The following MAP2 variants were observed in gnomAD, a reference collection of about 807,000 sequenced individuals.
The protein encoded by MAP2 is microtubule associated protein 2, also known as microtubule-associated protein 2.
In MAP2, 14 loss-of-function variants were observed where a neutral mutation model predicts 137.6. The observed-to-expected ratio is 0.10, with a 90% CI of 0.07 to 0.16. MAP2 has a LOEUF of 0.16. MAP2 is among the 10% of genes least tolerant of loss of function. The pLI is 1.00. For synonymous variants in MAP2, 786 were observed against 782.3 expected (o/e 1.00, Z -0.08); for missense variants, 2,088 against 2,191.5 (o/e 0.95, Z 0.94).
rs776266690 is a variant in MAP2, at chr2:209,631,005, C to CAAAAA, written c.-30+5902_-30+5906dup. Among the ~76,000 whole-genome samples, 66 of 42,136 alleles carry CAAAAA rather than the reference C, an allele frequency of 1.6e-3. 23 individuals are homozygous for CAAAAA. The highest frequency in any genetic ancestry group is 6.3e-3 in the South Asian group (5 of 792). The allele number at this position is 42,136 out of a possible 152,430, so 27.6% of individuals were successfully genotyped here. On this transcript the variant is annotated intron_variant, in intron 4 of 15. Coordinates refer to ENST00000682079, the MANE Select transcript of MAP2 (RefSeq NM_001375505.1). ...TTTCAAGATTGAAGGGAGCTACAAGCAAAAAAAAAAAAAAAAAAAAAAAAA... is the reference window on the plus strand; with the variant it reads ...TTTCAAGATTGAAGGGAGCTACAAGCAAAAAAAAAAAAAAAAAAAAAAAAAAAAAA...
At chr2:209,532,995 T>C (rs901951434) in intron 2 of MAP2, among the ~76,000 whole-genome samples, 1 of 152,102 alleles carries the variant, frequency 6.6e-6, no homozygotes, top group Admixed American at 6.6e-5. Context: ...TTTTCTTTTT[T>C]CTTCAAGTGG....
At chr2:209,651,258 A>T (rs911386599) in intron 4 of MAP2, among the ~76,000 whole-genome samples, 1 of 152,116 alleles carries the variant, frequency 6.6e-6, no homozygotes, top group Non-Finnish European at 1.5e-5. Context: ...AATTCCAAGG[A>T]TGCTCTCTTC....
chr2:209,575,502 C>T lies in MAP2; in HGVS notation c.-171-4534C>T, dbSNP rs1311346956. On this transcript the variant is annotated intron_variant, in intron 2 of 15. Coordinates refer to ENST00000682079, the MANE Select transcript of MAP2 (RefSeq NM_001375505.1). ...CGCCACTGCACTCCAGCCTGGGCAACAGTGAGACTCCATCTCAAAAAAAAA... is the reference window on the plus strand; with the variant it reads ...CGCCACTGCACTCCAGCCTGGGCAATAGTGAGACTCCATCTCAAAAAAAAA... Among the ~76,000 whole-genome samples, 4 of 100,352 alleles carry T rather than the reference C, an allele frequency of 4.0e-5. No homozygotes were observed. The Admixed American group carries it at 6.5e-4, about 16-fold the overall frequency. The allele number at this position is 100,352 out of a possible 152,430, so 65.8% of individuals were successfully genotyped here.
intron 1 of MAP2, among the ~76,000 whole-genome samples, chr2:209,429,243 G>A (rs1693555689): frequency 1.3e-5 from 2 of 152,082 alleles, no homozygotes; most frequent in Non-Finnish European, 2.9e-5. Flanking sequence ...ATGAGCCACC[G>A]TGCCCGGCAA....
chr2:209,694,325 G>A lies in MAP2; in HGVS notation c.2155G>A (p.Gly719Ser), dbSNP rs1481077460. Residue 719 changes from glycine (G) to serine (S), a missense_variant, in exon 8 of 16, where the codon GGT becomes AGT. Around this residue, in one of 6 missense-constraint regions of MAP2, gnomAD observed 500 missense variants for 482.9 expected, o/e 1.04. Transcript: ENST00000682079. ...LDSIALGFNF[G>S]RGHDLSPLAS... ...TTCCATAGCCCTTGGATTTAACTTT[G>A]GTCGGGGACATGATCTTTCTCCTCT... The A allele has an allele frequency of 3.1e-6, 5 of 1,613,956 alleles. No individual in the cohort carries two copies. Among genetic ancestry groups the A allele is most frequent in the Non-Finnish European group, 4.2e-6 (5 of 1,180,008 alleles).
chr2:209,488,017 C>T (rs1025248580), intron 1 of MAP2, among the ~76,000 whole-genome samples: 8 of 152,212 alleles, frequency 5.3e-5, no homozygotes, highest in Non-Finnish European at 1.2e-4. Context: ...CAAACAGGAA[C>T]AGCTCCGGTC....
chr2:209,631,005 C>CAAATAAAAAAAAAAAA (rs2092957494), intron 4 of MAP2, among the ~76,000 whole-genome samples: 1 of 42,118 alleles, frequency 2.4e-5, no homozygotes, highest in East Asian at 1.1e-3. Flanking sequence ...GAGCTACAAG[C>CAAATAAAAAAAAAAAA]AAAAAAAAAA....
chr2:209,618,221 C>T (rs184789793), intron 3 of MAP2, among the ~76,000 whole-genome samples: 2 of 151,652 alleles, frequency 1.3e-5, no homozygotes, highest in East Asian at 3.9e-4. Context: ...AGGAGACAGG[C>T]AGAAAGAAAG....
At chr2:209,554,388 G>A (rs73071035) in intron 2 of MAP2, among the ~76,000 whole-genome samples, 1,918 of 152,200 alleles carry the variant, frequency 0.013, 48 homozygotes, top group African/African-American at 0.044. Flanking sequence ...TCTACCCGAG[G>A]GTGTAGGATT....
At chr2:209,630,886 C>T (rs1158885605) in intron 4 of MAP2, among the ~76,000 whole-genome samples, 1 of 151,020 alleles carries the variant, frequency 6.6e-6, no homozygotes, top group East Asian at 2.0e-4. Flanking sequence ...CAAGGGTCTT[C>T]CATATTGGTT....
At chr2:209,528,623 T>C (rs2064479848) in intron 2 of MAP2, among the ~76,000 whole-genome samples, 1 of 152,012 alleles carries the variant, frequency 6.6e-6, no homozygotes, top group African/African-American at 2.4e-5. Context: ...CCTTTCACTG[T>C]AGCTGAAAGA....
chr2:209,646,187 C>A (rs2094411435), intron 4 of MAP2, among the ~76,000 whole-genome samples: 1 of 151,952 alleles, frequency 6.6e-6, no homozygotes, highest in African/African-American at 2.4e-5. Flanking sequence ...CAGAGTAAGA[C>A]CCTGTCTCAA....
At chr2:209,529,757 T>C (rs2064802510) in intron 2 of MAP2, among the ~76,000 whole-genome samples, 1 of 152,192 alleles carries the variant, frequency 6.6e-6, no homozygotes, top group African/African-American at 2.4e-5. Flanking sequence ...ACTAAGTACC[T>C]ATAAGCTATT....
At chr2:209,532,240 GA>G (rs796126529) in intron 2 of MAP2, among the ~76,000 whole-genome samples, 3,908 of 72,658 alleles carry the variant, frequency 0.054, 171 homozygotes, top group African/African-American at 0.15. Context: ...CCAGTCTCAG[GA>G]AAAAAAAAAA....
At chr2:209,549,597 C>T (rs924506764) in intron 2 of MAP2, among the ~76,000 whole-genome samples, 6 of 152,004 alleles carry the variant, frequency 3.9e-5, no homozygotes, top group Non-Finnish European at 8.8e-5. Context: ...TTCTTTCAAC[C>T]TTTACAGAAC....
intron 2 of MAP2, among the ~76,000 whole-genome samples, chr2:209,511,911 A>G (rs2150268530): frequency 6.6e-6 from 1 of 152,084 alleles, no homozygotes; most frequent in South Asian, 2.1e-4. Flanking sequence ...ATCTGAAATT[A>G]TTTACCCAAG....
chr2:209,676,747 ATATATATATATATATATATATATATC>A (rs1255831624), intron 5 of MAP2, among the ~76,000 whole-genome samples: 3 of 64,288 alleles, frequency 4.7e-5, no homozygotes, highest in Admixed American at 1.8e-4. Flanking sequence ...ATATATATAT[ATATATATATATATATATATATATATC>A]TCCCAATTTC....
chr2:209,448,824 A>C (rs1019322273), intron 1 of MAP2, among the ~76,000 whole-genome samples: 1 of 152,176 alleles, frequency 6.6e-6, no homozygotes, highest in Admixed American at 6.6e-5. Context: ...ATACCTATAA[A>C]AAACCTTTTT....
chr2:209,563,696 G>A (rs941086583), intron 2 of MAP2, among the ~76,000 whole-genome samples: 12 of 152,302 alleles, frequency 7.9e-5, no homozygotes, highest in Admixed American at 1.3e-4. Flanking sequence ...CCTTGTGGGC[G>A]CTGGCTGTGC....
Sources: gnomAD v4.1 joint callset for allele counts (sites outside exome capture counted in the v4.1 genomes callset) on GRCh38, gnomAD v4.1.1 for gene constraint, gnomAD v4.1.1 regional missense constraint, MANE v1.5 for transcripts, NCBI Gene and HGNC (gene_info 2026-07-23, HGNC 2026-07-21) for gene names.